Variants in CHD6 observed in about 807,000 individuals in gnomAD.
The protein encoded by CHD6 is ATP-dependent chromatin remodeler CHD6.
Under a neutral mutation model 276.9 loss-of-function variants are expected in CHD6, and 50 were observed. The ratio of observed to expected loss-of-function variants is 0.18; its 90% confidence interval spans 0.14 to 0.23. The LOEUF is 0.23. Ranked by LOEUF, CHD6 falls within the 10% of genes least tolerant of loss-of-function variation. The pLI is 1.00. For synonymous variants in CHD6, 1,173 were observed against 1,229.3 expected (o/e 0.95, Z 0.96); for missense variants, 2,564 against 3,365.8 (o/e 0.76, Z 5.89).
chr20:41,470,886 T>G (rs553709073), intron 17 of CHD6, among the ~76,000 whole-genome samples: 1 of 152,256 alleles, frequency 6.6e-6, no homozygotes, highest in Admixed American at 6.5e-5. Flanking sequence ...GCCAGCCCCA[T>G]GCTTCCACTG....
intron 1 of CHD6, among the ~76,000 whole-genome samples, chr20:41,588,075 T>A (rs115354800): frequency 2.0e-5 from 3 of 151,666 alleles, no homozygotes; most frequent in Non-Finnish European, 4.4e-5. Context: ...AGGAAGCCAG[T>A]AGGTGGGAAA....
At chr20:41,505,947 G>C (rs2043966564) in intron 5 of CHD6, among the ~76,000 whole-genome samples, 1 of 152,046 alleles carries the variant, frequency 6.6e-6, no homozygotes, top group Admixed American at 6.6e-5. Flanking sequence ...ACCTGAGTTA[G>C]AGTAAATTAT....
intron 1 of CHD6, among the ~76,000 whole-genome samples, chr20:41,565,824 G>C (rs922878232): frequency 2.0e-5 from 3 of 152,216 alleles, no homozygotes; most frequent in Non-Finnish European, 4.4e-5. Context: ...CAACAGTCTA[G>C]AAGTGCAGCA....
In CHD6 at chr20:41,412,281, A is replaced by C; in HGVS notation, c.7132-18T>G. 6.2e-7 allele frequency: 1 copy of C among 1,613,610 alleles called. No homozygotes were observed. Among genetic ancestry groups the C allele is most frequent in the Non-Finnish European group, 8.5e-7 (1 of 1,179,694 alleles). ...GAAAAATTCTAGGATGAAAACGGAG[A>C]CCAATATTACAAAACATGCTATCCC... On this transcript the variant is annotated intron_variant, in intron 35 of 36. Coordinates refer to ENST00000373233, the MANE Select transcript of CHD6 (RefSeq NM_032221.5).
chr20:41,464,168 G>A (rs958761799), intron 17 of CHD6, among the ~76,000 whole-genome samples: 1 of 152,138 alleles, frequency 6.6e-6, no homozygotes, highest in Non-Finnish European at 1.5e-5. Flanking sequence ...ACAGACCCTT[G>A]AAATAATCCT....
chr20:41,568,479 C>A (rs540566984), intron 1 of CHD6, among the ~76,000 whole-genome samples: 1 of 152,210 alleles, frequency 6.6e-6, no homozygotes, highest in Admixed American at 6.5e-5. Context: ...AGAAAAACCA[C>A]ATATTTATGG....
Position 41,402,535 on chromosome 20 carries a change from GA to G in CHD6, c.*2057del, listed in dbSNP as rs1276859598. The G allele has an allele frequency of 1.3e-5, 3 of 230,180 alleles. No homozygotes were observed. The highest frequency in any genetic ancestry group is 2.2e-5 in the African/African-American group (1 of 45,170). The allele number at this position is 230,180 out of a possible 1,614,324, so 14.3% of individuals were successfully genotyped here. ...ACAACAACAACACAACGACAACAAAGAAAACCAGACTCTGCTGGATGTCTAT... is the reference window on the plus strand; with the variant it reads ...ACAACAACAACACAACGACAACAAAGAAACCAGACTCTGCTGGATGTCTAT... On this transcript the variant is annotated 3_prime_UTR_variant, in exon 37 of 37. Coordinates refer to ENST00000373233, the MANE Select transcript of CHD6 (RefSeq NM_032221.5).
intron 30 of CHD6, 59 bp from the exon 31 acceptor site, chr20:41,422,138 A>G (rs1249041637): frequency 1.6e-5 from 25 of 1,518,044 alleles, no homozygotes; most frequent in South Asian, 1.3e-4. Flanking sequence ...CTCCCCGCCC[A>G]CCTGAGCCCC....
chr20:41,405,423 G>A lies in CHD6; in HGVS notation c.7318C>T (p.Arg2440Cys), dbSNP rs757732812. ...CTCCGAGGCCGCCTCCCCCTCCTGC[G>A]GGGGCCCGTATCTCGAAGAATAGGC... ...AEPILRDTGP[R>C]RRGRRPRSEL... The change falls in exon 37 of 37, where the codon CGC becomes TGC. Residue 2440 changes from arginine (R) to cysteine (C), a missense_variant. Physicochemically the swap from Arg to Cys is radical, Grantham distance 180. Around this residue, in one of 7 missense-constraint regions of CHD6, gnomAD observed 1,024 missense variants for 1,047.9 expected, o/e 0.98. Coordinates refer to ENST00000373233, the MANE Select transcript of CHD6 (RefSeq NM_032221.5). 1.2e-5 allele frequency: 20 copies of A among 1,610,196 alleles called. No individual in the cohort carries two copies. The highest frequency in any genetic ancestry group is 2.2e-5 in the South Asian group (2 of 90,658).
chr20:41,500,567 T>A (rs938454310), intron 5 of CHD6, among the ~76,000 whole-genome samples: 1 of 152,128 alleles, frequency 6.6e-6, no homozygotes, highest in South Asian at 2.1e-4. Context: ...AAGTAAACTA[T>A]AATTACCATA....
At chr20:41,446,581 T>C (rs923893507) in intron 24 of CHD6, among the ~76,000 whole-genome samples, 6 of 152,176 alleles carry the variant, frequency 3.9e-5, no homozygotes, top group African/African-American at 1.4e-4. Context: ...CAGCTGCCTC[T>C]GAAGTTTCTT....
intron 8 of CHD6, 131 bp downstream of exon 8, chr20:41,497,253 A>G (rs1568645156): frequency 1.5e-6 from 1 of 686,684 alleles, no homozygotes; most frequent in East Asian, 2.6e-5. Flanking sequence ...GTTGCAAATC[A>G]GCACACATTT....
chr20:41,538,783 C>T (rs904067407), intron 2 of CHD6, among the ~76,000 whole-genome samples: 1 of 152,100 alleles, frequency 6.6e-6, no homozygotes, highest in Non-Finnish European at 1.5e-5. Flanking sequence ...TTTTATGTTG[C>T]CTCAACATCC....
In CHD6 at chr20:41,404,951, G is replaced by C; in HGVS notation, c.7790C>G (p.Ser2597Cys). ...KPGPGPFSDQ[S>C]EPAITTSSPV... Reference sequence around the variant, plus strand: ...ACTACTAGTAGTTATTGCAGGTTCAGACTGATCAGAAAATGGACCTGGACC... The same window carrying C: ...ACTACTAGTAGTTATTGCAGGTTCACACTGATCAGAAAATGGACCTGGACC... The change falls in exon 37 of 37, where the codon TCT becomes TGT. Residue 2597 changes from serine to cysteine, a missense_variant. Ser to Cys is a moderately radical substitution (Grantham distance 112). Around this residue, in one of 7 missense-constraint regions of CHD6, gnomAD observed 238 missense variants for 266.0 expected, o/e 0.89. Transcript: ENST00000373233. 3 of 1,614,214 alleles carry C rather than the reference G, an allele frequency of 1.9e-6. No individual in the cohort carries two copies. Among genetic ancestry groups the C allele is most frequent in the Non-Finnish European group, 2.5e-6 (3 of 1,180,034 alleles).
intron 1 of CHD6, among the ~76,000 whole-genome samples, chr20:41,590,977 T>C (rs1032489038): frequency 5.3e-5 from 8 of 151,282 alleles, no homozygotes; most frequent in Admixed American, 3.9e-4. Context: ...CCAACAATGA[T>C]AGACTGGATT....
intron 3 of CHD6, among the ~76,000 whole-genome samples, chr20:41,519,112 T>C (rs773477808): frequency 6.6e-6 from 1 of 152,004 alleles, no homozygotes; most frequent in Admixed American, 6.6e-5. Context: ...CGAAACCCCG[T>C]CTCTACAAAA....
At chr20:41,482,917 C>T (rs1407845335) in intron 16 of CHD6, among the ~76,000 whole-genome samples, 1 of 152,084 alleles carries the variant, frequency 6.6e-6, no homozygotes, top group South Asian at 2.1e-4. Context: ...TATGCTCTTT[C>T]AGGAATTTGA....
At chr20:41,408,523 C>T (rs1250481957) in intron 36 of CHD6, among the ~76,000 whole-genome samples, 3 of 152,078 alleles carry the variant, frequency 2.0e-5, no homozygotes, top group African/African-American at 4.8e-5. Context: ...CAATGCAAAT[C>T]GTCTCATTCT....
At chr20:41,423,047 T>C (rs1211210677) in intron 30 of CHD6, among the ~76,000 whole-genome samples, 3 of 152,194 alleles carry the variant, frequency 2.0e-5, no homozygotes, top group Non-Finnish European at 4.4e-5. Context: ...GGGTTCTCTA[T>C]TGCATCAGGG....
Sources: allele counts gnomAD v4.1 joint callset (sites outside exome capture counted in the v4.1 genomes callset), GRCh38; gene constraint gnomAD v4.1.1; regional missense constraint gnomAD v4.1.1; transcripts MANE v1.5; gene names NCBI Gene and HGNC (gene_info 2026-07-23, HGNC 2026-07-21).